CA2: variants seen among roughly 807,000 people sequenced by gnomAD.
CA2 encodes the protein carbonate dehydratase II.
A neutral mutation model predicts 27.8 loss-of-function variants in CA2; 23 were observed. The observed-to-expected ratio is 0.83, with a 90% CI of 0.59 to 1.17. The LOEUF is 1.17. Among genes scored for constraint, CA2 ranks in the 50% most tolerant of loss-of-function variants. CA2 has a pLI of 0.00. For missense variants in CA2, 300 were observed against 314.7 expected (o/e 0.95, Z 0.35); for synonymous variants, 99 against 114.9 (o/e 0.86, Z 0.88).
chr8:85,465,155 A>C, intron 1 of CA2, 117 bp from the exon 2 acceptor site: 1 of 785,866 alleles, frequency 1.3e-6, no homozygotes, highest in African/African-American at 1.7e-5. Context: ...GCCCATTGTT[A>C]AGTGATGCTT....
intron 4 of CA2, 83 bp from the exon 5 acceptor site, chr8:85,475,715 C>G (rs923771739): frequency 1.6e-6 from 2 of 1,268,596 alleles, no homozygotes; most frequent in Non-Finnish European, 2.3e-6. Flanking sequence ...TGGATGTTTT[C>G]TAATAGAGCT....
intron 3 of CA2, 191 bp downstream of exon 3, chr8:85,474,002 C>A: frequency 1.6e-6 from 1 of 613,870 alleles, no homozygotes; most frequent in South Asian, 2.0e-5. Flanking sequence ...ACTTTCTCTA[C>A]TGTCTCCAAC....
chr8:85,464,222 G>A, intron 1 of CA2, 107 bp downstream of exon 1: 1 of 1,066,160 alleles, frequency 9.4e-7, no homozygotes, highest in Non-Finnish European at 1.3e-6. Context: ...CGCACATGCT[G>A]TTTACCGCGG....
At chr8:85,467,268 T>C (rs1564077772) in intron 2 of CA2, among the ~76,000 whole-genome samples, 1 of 152,238 alleles carries the variant, frequency 6.6e-6, no homozygotes, top group African/African-American at 2.4e-5. Context: ...CAGCATAGAC[T>C]GGGGTCAGAG....
chr8:85,468,694 A>C (rs1219882710), intron 2 of CA2, among the ~76,000 whole-genome samples: 1 of 152,156 alleles, frequency 6.6e-6, no homozygotes, highest in Non-Finnish European at 1.5e-5. Context: ...CGGGAGGCGG[A>C]GGTCGCAGTG....
In CA2 at chr8:85,477,141, A is replaced by G; in HGVS notation, c.529A>G (p.Asn177Asp). 1 of 1,614,084 alleles carries G rather than the reference A, an allele frequency of 6.2e-7. No individual in the cohort carries two copies. The highest frequency in any genetic ancestry group is 8.5e-7 in the Non-Finnish European group (1 of 1,179,974). ...CTAGGGCAAGAGTGCTGACTTCACT[A>G]ACTTCGATCCTCGTGGCCTCCTTCC... ...KTKGKSADFT[N>D]FDPRGLLPES... Residue 177 changes from asparagine to aspartate, a missense_variant, in exon 6 of 7, where the codon AAC becomes GAC. By Grantham distance (23) the Asn-to-Asp change is conservative. Transcript: ENST00000285379.
chr8:85,466,703 C>G (rs1471885166), intron 2 of CA2, among the ~76,000 whole-genome samples: 4 of 151,366 alleles, frequency 2.6e-5, no homozygotes, highest in African/African-American at 9.7e-5. Context: ...CACACACACA[C>G]ACTTACAATC....
At chr8:85,480,400 A>G (rs1158371132) in intron 6 of CA2, among the ~76,000 whole-genome samples, 2 of 151,042 alleles carry the variant, frequency 1.3e-5, no homozygotes, top group Non-Finnish European at 2.9e-5. Flanking sequence ...CTGAGATTAC[A>G]GGTGCTCTAC....
At chr8:85,470,810 T>TG (rs138218192) in intron 2 of CA2, among the ~76,000 whole-genome samples, 86 of 151,428 alleles carry the variant, frequency 5.7e-4, no homozygotes, top group East Asian at 1.4e-3. Context: ...TAAATTAAAT[T>TG]GGGGGGGGTC....
intron 6 of CA2, among the ~76,000 whole-genome samples, chr8:85,477,502 G>T (rs1353473787): frequency 2.0e-5 from 3 of 150,434 alleles, no homozygotes; most frequent in Non-Finnish European, 4.4e-5. Flanking sequence ...AATAGTCATT[G>T]TAAGGATTCA....
intron 2 of CA2, 91 bp downstream of exon 2, chr8:85,465,560 TTAA>T: frequency 1.0e-6 from 1 of 1,002,652 alleles, no homozygotes; most frequent in Non-Finnish European, 1.5e-6. Flanking sequence ...AGGAACCCTC[TTAA>T]TAATACAGTT....
intron 2 of CA2, among the ~76,000 whole-genome samples, chr8:85,471,874 A>G (rs939868700): frequency 1.3e-5 from 2 of 152,222 alleles, no homozygotes; most frequent in African/African-American, 2.4e-5. Context: ...GTCAGGAAAC[A>G]AACTGTTGTA....
intron 2 of CA2, chr8:85,473,453 T>C: frequency 1.6e-6 from 1 of 629,798 alleles, no homozygotes. Flanking sequence ...ACAACGCATG[T>C]GAGGAATAAA....
At chr8:85,465,571 GT>G (rs1811617195) in intron 2 of CA2, 102 bp downstream of exon 2, 1 of 923,654 alleles carries the variant, frequency 1.1e-6, no homozygotes, top group African/African-American at 1.6e-5. Context: ...TAATAATACA[GT>G]TTGTCTCAGG....
chr8:85,465,333 C>T lies in CA2; in HGVS notation c.96C>T (p.Asp32=), dbSNP rs200305101. 8 of 1,614,202 alleles carry T rather than the reference C, an allele frequency of 5.0e-6. No homozygotes were observed. The highest frequency in any genetic ancestry group is 6.8e-6 in the Non-Finnish European group (8 of 1,180,006). ...IAKGERQSPV[D]IDTHTAKYDP... ...AGGGAGAGCGCCAGTCCCCTGTTGA[C>T]ATCGACACTCATACAGCCAAGTATG... The change falls in exon 2 of 7, where the codon GAC becomes GAT. Residue 32 remains aspartate (D), a synonymous_variant. Transcript: ENST00000285379.
Position 85,477,222 on chromosome 8 carries a change from G to A in CA2, c.610G>A (p.Glu204Lys), listed in dbSNP as rs568377824. ...PGSLTTPPLL[E>K]CVTWIVLKEP... is the part of the protein sequence containing the mutation. ...CTCACTGACCACCCCTCCTCTTCTG[G>A]AATGTGTGACCTGGATTGTGCTCAA... The change falls in exon 6 of 7, where the codon GAA (glutamate) becomes AAA (lysine). Residue 204 changes from glutamate (E) to lysine (K), a missense_variant. This residue lies in a region of CA2 where 173 missense variants were observed against 161.0 expected (regional missense o/e 1.07). Transcript: ENST00000285379. 1.9e-6 allele frequency: 3 copies of A among 1,614,066 alleles called. No individual in the cohort carries two copies. Among genetic ancestry groups the A allele is most frequent in the South Asian group, 2.2e-5 (2 of 91,068 alleles).
chr8:85,478,297 C>T (rs1241783528), intron 6 of CA2, among the ~76,000 whole-genome samples: 1 of 152,164 alleles, frequency 6.6e-6, no homozygotes, highest in Non-Finnish European at 1.5e-5. Flanking sequence ...ATGTATCTGA[C>T]TGGAAAATTA....
Position 85,480,915 on chromosome 8 carries a change from T to C in CA2, c.*126T>C. 9 of 909,696 alleles carry C rather than the reference T, an allele frequency of 9.9e-6. No individual in the cohort carries two copies. In the Middle Eastern group the frequency reaches 8.6e-4, roughly 87 times the overall value. 56.4% of individuals were successfully genotyped at this position (909,696 alleles called of 1,614,324 possible). A position where few individuals can be genotyped will look rare whatever the true frequency, so the allele number is the denominator to read the frequency against. On this transcript the variant is annotated 3_prime_UTR_variant, in exon 7 of 7. Coordinates refer to ENST00000285379, the MANE Select transcript of CA2 (RefSeq NM_000067.3). Reference sequence around the variant, plus strand: ...CTAGTTTTCTAGACCCTTCATCTCTTACTTGATAGACTTACTAATAAAATG... The same window carrying C: ...CTAGTTTTCTAGACCCTTCATCTCTCACTTGATAGACTTACTAATAAAATG...
At chr8:85,476,218 G>A (rs756155485) in intron 5 of CA2, among the ~76,000 whole-genome samples, 3 of 152,114 alleles carry the variant, frequency 2.0e-5, no homozygotes, top group Non-Finnish European at 2.9e-5. Flanking sequence ...TGTGCCAGTC[G>A]CTTTGCAAAC....
Sources: allele counts gnomAD v4.1 joint callset (sites outside exome capture counted in the v4.1 genomes callset), GRCh38; gene constraint gnomAD v4.1.1; regional missense constraint gnomAD v4.1.1; transcripts MANE v1.5; gene names NCBI Gene and HGNC (gene_info 2026-07-23, HGNC 2026-07-21).